ITK: variants seen among roughly 807,000 people sequenced by gnomAD.
ITK encodes IL2 inducible T cell kinase, also known as tyrosine-protein kinase ITK/TSK.
A neutral mutation model predicts 87.6 loss-of-function variants in ITK; 45 were observed. The observed-to-expected ratio is 0.51, with a 90% CI of 0.40 to 0.66. The LOEUF (loss-of-function observed/expected upper bound fraction) is 0.66, where lower values mean the gene tolerates loss of function less well. Among genes scored for constraint, ITK ranks in the 30% least tolerant of loss-of-function variants. The pLI is 0.00. For missense variants in ITK, 605 were observed against 766.3 expected (o/e 0.79, Z 2.48); for synonymous variants, 303 against 273.6 (o/e 1.11, Z -1.06).
At chr5:157,196,263 AGTT>A (rs977632863) in intron 1 of ITK, among the ~76,000 whole-genome samples, 5 of 152,180 alleles carry the variant, frequency 3.3e-5, no homozygotes, top group African/African-American at 4.8e-5. Context: ...TCTCTACAGA[AGTT>A]GTACCAGTGA....
rs543006763 is a variant in ITK, at chr5:157,209,267, G to C, written c.243+274G>C. Reference sequence around the variant, plus strand: ...GAATTGTTTGAACCCAGGAGGCAGAGTTTTCAGTGAGCCAAGATCGTGCCA... The same window carrying C: ...GAATTGTTTGAACCCAGGAGGCAGACTTTTCAGTGAGCCAAGATCGTGCCA... On this transcript the variant is annotated intron_variant, in intron 2 of 16. Transcript: ENST00000422843. Among the ~76,000 whole-genome samples, 14 of 150,770 alleles carry C rather than the reference G, an allele frequency of 9.3e-5. No individual in the cohort carries two copies. The South Asian group carries it at 3.0e-3, about 32-fold the overall frequency.
intron 7 of ITK, among the ~76,000 whole-genome samples, chr5:157,231,121 G>T (rs1171564116): frequency 6.6e-6 from 1 of 152,166 alleles, no homozygotes; most frequent in Non-Finnish European, 1.5e-5. Flanking sequence ...GTCATGGGTT[G>T]GTAAATTGAA....
chr5:157,208,926 G>A lies in ITK; in HGVS notation c.176G>A (p.Arg59Gln), dbSNP rs757740059. The change falls in exon 2 of 17, where the codon CGA (arginine) becomes CAA (glutamine). Residue 59 changes from arginine (R) to glutamine (Q), a missense_variant. This residue lies in a region of ITK where 464 missense variants were observed against 578.0 expected (regional missense o/e 0.80). Coordinates refer to ENST00000422843, the MANE Select transcript of ITK (RefSeq NM_005546.4). Reference protein sequence around the residue: ...RTLKGSIELSRIKCVEIVKSD... With the variant: ...RTLKGSIELSQIKCVEIVKSD... ...CTGAAGGGGTCCATTGAGCTCTCCC[G>A]AATCAAATGTGTTGAGATTGTGAAA... 7.4e-6 allele frequency: 12 copies of A among 1,613,892 alleles called. No individual in the cohort carries two copies. Among genetic ancestry groups the A allele is most frequent in the African/African-American group, 2.7e-5 (2 of 74,892 alleles).
At position 157,238,230 on chromosome 5, in the gene ITK, A is replaced by G. The variant is rs115402136; in HGVS notation, c.851+39A>G. ...TCTGCTCAGCAAAGTGGAGAGAAAC[A>G]CTTCTGAAGTGTGTGAGCACTGGGG... On this transcript the variant is annotated intron_variant, in intron 9 of 16. Coordinates refer to ENST00000422843, the MANE Select transcript of ITK (RefSeq NM_005546.4). 2.9e-4 allele frequency: 420 copies of G among 1,461,806 alleles called. No individual in the cohort carries two copies. In the African/African-American group the frequency reaches 5.5e-3, roughly 19 times the overall value. 90.6% of individuals were successfully genotyped at this position (1,461,806 alleles called of 1,614,324 possible).
intron 1 of ITK, among the ~76,000 whole-genome samples, chr5:157,198,921 C>A (rs1753904751): frequency 6.6e-6 from 1 of 152,148 alleles, no homozygotes; most frequent in Non-Finnish European, 1.5e-5. Flanking sequence ...TGCCACCACA[C>A]CTGGCTAACT....
chr5:157,206,998 A>T (rs1046052685), intron 1 of ITK, among the ~76,000 whole-genome samples: 5 of 152,188 alleles, frequency 3.3e-5, no homozygotes, highest in Non-Finnish European at 4.4e-5. Flanking sequence ...AAATTTTATT[A>T]TATGTAAATT....
intron 1 of ITK, among the ~76,000 whole-genome samples, chr5:157,207,310 T>C (rs1754098545): frequency 1.3e-5 from 2 of 150,564 alleles, no homozygotes; most frequent in African/African-American, 4.9e-5. Context: ...CACATACTAG[T>C]CTACTCTGGA....
intron 7 of ITK, among the ~76,000 whole-genome samples, chr5:157,232,036 A>C (rs1337788432): frequency 1.3e-5 from 2 of 152,222 alleles, no homozygotes; most frequent in Non-Finnish European, 2.9e-5. Context: ...AATATAATGA[A>C]TATCCATGTT....
intron 7 of ITK, among the ~76,000 whole-genome samples, chr5:157,231,584 C>T (rs1754655167): frequency 6.6e-6 from 1 of 152,182 alleles, no homozygotes; most frequent in Admixed American, 6.5e-5. Context: ...CTACCCAGAA[C>T]TTCTCTCCTC....
chr5:157,182,515 C>T (rs1580870000), intron 1 of ITK, among the ~76,000 whole-genome samples: 1 of 152,142 alleles, frequency 6.6e-6, no homozygotes, highest in East Asian at 1.9e-4. Context: ...CAGACTCTTA[C>T]TGATAACAAT....
At chr5:157,216,721 C>CTAGCTTCACCA (rs1754305344) in intron 4 of ITK, among the ~76,000 whole-genome samples, 1 of 152,178 alleles carries the variant, frequency 6.6e-6, no homozygotes, top group African/African-American at 2.4e-5. Context: ...CCAAGGCTCA[C>CTAGCTTCACCA]AGCTAGTATT....
chr5:157,209,932 T>G (rs918245554), intron 2 of ITK, among the ~76,000 whole-genome samples: 1 of 151,750 alleles, frequency 6.6e-6, no homozygotes, highest in Non-Finnish European at 1.5e-5. Flanking sequence ...CAGAAATTTT[T>G]TTTTTTTTTT....
chr5:157,199,137 C>T (rs1482476005), intron 1 of ITK: 3 of 152,064 alleles, frequency 2.0e-5, no homozygotes, highest in African/African-American at 7.2e-5. Context: ...ATTCTTATGT[C>T]GCTTTTGAAA....
chr5:157,228,526 A>G (rs1561659281), intron 7 of ITK, among the ~76,000 whole-genome samples, 165 bp downstream of exon 7: 1 of 152,242 alleles, frequency 6.6e-6, no homozygotes, highest in African/African-American at 2.4e-5. Context: ...TTTCCACTAA[A>G]AAAACCAGGA....
At chr5:157,193,245 G>A (rs1343469288) in intron 1 of ITK, among the ~76,000 whole-genome samples, 1 of 152,092 alleles carries the variant, frequency 6.6e-6, no homozygotes, top group East Asian at 1.9e-4. Flanking sequence ...TGGAAATTGT[G>A]TATCTCTGCC....
At chr5:157,220,565 C>T (rs999315140) in intron 5 of ITK, among the ~76,000 whole-genome samples, 2 of 152,132 alleles carry the variant, frequency 1.3e-5, no homozygotes, top group African/African-American at 4.8e-5. Flanking sequence ...CCTGGGGGGT[C>T]AGGTTGTGCT....
Position 157,252,721 on chromosome 5 carries a change from A to G in ITK, c.*43A>G, listed in dbSNP as rs771484971. The G allele has an allele frequency of 4.2e-6, 6 of 1,413,576 alleles. No homozygotes were observed. Among genetic ancestry groups the G allele is most frequent in the African/African-American group, 1.4e-5 (1 of 70,834 alleles). 87.6% of individuals were successfully genotyped at this position (1,413,576 alleles called of 1,614,324 possible). Reference sequence around the variant, plus strand: ...GCCACGGGCTGCAGATCCTGAATGGAGGAAGGATATGTCCTCATTCCATAG... The same window carrying G: ...GCCACGGGCTGCAGATCCTGAATGGGGGAAGGATATGTCCTCATTCCATAG... On this transcript the variant is annotated 3_prime_UTR_variant, in exon 17 of 17. Coordinates refer to ENST00000422843, the MANE Select transcript of ITK (RefSeq NM_005546.4).
intron 4 of ITK, among the ~76,000 whole-genome samples, chr5:157,216,907 T>A (rs1378346637): frequency 6.6e-6 from 1 of 152,156 alleles, no homozygotes; most frequent in East Asian, 1.9e-4. Context: ...TGTCAATGTG[T>A]GACTCTCCTC....
At chr5:157,249,074 A>G (rs1755086710) in intron 16 of ITK, 67 bp downstream of exon 16, 35 of 1,369,814 alleles carry the variant, frequency 2.6e-5, no homozygotes, top group Non-Finnish European at 3.6e-5. Context: ...CCTTCCCTAG[A>G]GAAAGGAACC....
Sources: allele counts gnomAD v4.1 joint callset (sites outside exome capture counted in the v4.1 genomes callset), GRCh38; gene constraint gnomAD v4.1.1; regional missense constraint gnomAD v4.1.1; transcripts MANE v1.5; gene names NCBI Gene and HGNC (gene_info 2026-07-23, HGNC 2026-07-21).